Variants in SEMA5A observed in about 807,000 individuals in gnomAD.
SEMA5A encodes the protein semaphorin-5A.
In SEMA5A, 55 loss-of-function variants were observed where a neutral mutation model predicts 135.5. That is an observed-to-expected ratio of 0.41 (90% CI 0.33 to 0.51). The LOEUF (loss-of-function observed/expected upper bound fraction) is 0.51, where lower values mean the gene tolerates loss of function less well. SEMA5A is among the 20% of genes least tolerant of loss of function. The pLI is 0.37. For missense variants in SEMA5A, 1,290 were observed against 1,419.9 expected, an observed-to-expected ratio of 0.91 and a Z score of 1.47; for synonymous variants, 580 against 546.5, an observed-to-expected ratio of 1.06 and a Z score of -0.85.
At chr5:9,142,929 G>T (rs1423004574) in intron 12 of SEMA5A, among the ~76,000 whole-genome samples, 1 of 151,928 alleles carries the variant, frequency 6.6e-6, no homozygotes, top group Non-Finnish European at 1.5e-5. Flanking sequence ...TCCAGCCTGG[G>T]TGACAGAGTG....
At chr5:9,175,885 A>C (rs569999708) in intron 11 of SEMA5A, among the ~76,000 whole-genome samples, 1 of 152,190 alleles carries the variant, frequency 6.6e-6, no homozygotes, top group Non-Finnish European at 1.5e-5. Flanking sequence ...TGAGAATAAG[A>C]GGTGTCATCT....
chr5:9,289,169 C>G lies in SEMA5A; in HGVS notation c.270+29203G>C, dbSNP rs565408908. The stretch of plus-strand genomic sequence containing the variant: ...TTCATTTATATATTATAAACACATA[C>G]AGCTGTGCATGTATATAAGTATATT... On this transcript the variant is annotated intron_variant, in intron 5 of 22. Transcript: ENST00000382496. 8.5e-5 allele frequency among the ~76,000 whole-genome samples: 13 copies of G among 152,248 alleles called. No homozygotes were observed. The East Asian group carries it at 2.5e-3, about 29-fold the overall frequency.
rs78970711 is a variant in SEMA5A, at chr5:9,265,524, C to G, written c.271-27634G>C. 1,952 of 456,380 alleles carry G rather than the reference C, an allele frequency of 4.3e-3. 34 individuals are homozygous for G. Among genetic ancestry groups the G allele is most frequent in the African/African-American group, 0.036 (1,816 of 50,180 alleles). 28.3% of individuals were successfully genotyped at this position (456,380 alleles called of 1,614,324 possible). On this transcript the variant is annotated intron_variant, in intron 5 of 22. Coordinates refer to ENST00000382496, the MANE Select transcript of SEMA5A (RefSeq NM_003966.3). ...CCCATGTGGCTTTGTGTGGTGTGTG[C>G]GGTCCTCCTGCTCCAGGCTGTGAGT... is the stretch of plus-strand genomic sequence containing the variant.
chr5:9,358,608 G>T (rs761647389), intron 3 of SEMA5A, among the ~76,000 whole-genome samples: 1 of 152,232 alleles, frequency 6.6e-6, no homozygotes, highest in African/African-American at 2.4e-5. Flanking sequence ...TAATGCAAAG[G>T]CTGCCCTGAT....
At chr5:9,243,176 C>T (rs949963336) in intron 5 of SEMA5A, among the ~76,000 whole-genome samples, 2 of 152,138 alleles carry the variant, frequency 1.3e-5, no homozygotes, top group Non-Finnish European at 2.9e-5. Flanking sequence ...TCTGGAGGCT[C>T]GTTGGCAGGG....
intron 6 of SEMA5A, among the ~76,000 whole-genome samples, chr5:9,231,736 C>T (rs1334014686): frequency 6.6e-6 from 1 of 152,148 alleles, no homozygotes; most frequent in Non-Finnish European, 1.5e-5. Context: ...TATAAATCAG[C>T]ATACTTAAAT....
chr5:9,394,820 G>C (rs1051167765), intron 2 of SEMA5A, among the ~76,000 whole-genome samples: 4 of 152,018 alleles, frequency 2.6e-5, no homozygotes, highest in Non-Finnish European at 4.4e-5. Context: ...ATATTATACA[G>C]CTTATTAAGC....
At chr5:9,089,925 G>A (rs168817) in intron 16 of SEMA5A, among the ~76,000 whole-genome samples, 82,122 of 151,954 alleles carry the variant, frequency 0.54, 23,894 homozygotes, top group African/African-American at 0.78. Flanking sequence ...TCTTAATCTT[G>A]TTAACATAAA....
intron 5 of SEMA5A, among the ~76,000 whole-genome samples, chr5:9,253,469 G>A (rs1384949446): frequency 6.6e-6 from 1 of 151,942 alleles, no homozygotes; most frequent in Non-Finnish European, 1.5e-5. Context: ...TTTTAATTTA[G>A]AAATTATTTC....
chr5:9,300,351 T>C (rs1443187926), intron 5 of SEMA5A, among the ~76,000 whole-genome samples: 9 of 152,266 alleles, frequency 5.9e-5, no homozygotes, highest in Non-Finnish European at 5.9e-5. Context: ...TCTAATGCCA[T>C]GTCCTGGGTG....
chr5:9,474,732 C>G (rs745863655), intron 1 of SEMA5A, among the ~76,000 whole-genome samples: 30 of 152,268 alleles, frequency 2.0e-4, no homozygotes, highest in Non-Finnish European at 3.7e-4. Context: ...TTACTGCCAC[C>G]TACATGGCCC....
chr5:9,357,753 G>C (rs1424539801), intron 3 of SEMA5A, among the ~76,000 whole-genome samples: 1 of 152,184 alleles, frequency 6.6e-6, no homozygotes, highest in Non-Finnish European at 1.5e-5. Context: ...TGGACAGAGA[G>C]GAGTGAGCAC....
intron 1 of SEMA5A, among the ~76,000 whole-genome samples, chr5:9,483,512 T>C (rs143783996): frequency 1.1e-3 from 173 of 152,350 alleles, no homozygotes; most frequent in African/African-American, 3.9e-3. Context: ...AAAGAGGTAC[T>C]ATGCATTAGG....
intron 5 of SEMA5A, among the ~76,000 whole-genome samples, chr5:9,284,201 T>C (rs752955954): frequency 2.0e-5 from 3 of 152,102 alleles, no homozygotes; most frequent in African/African-American, 4.8e-5. Context: ...AATTAGGAGA[T>C]TGCTTGATCA....
chr5:9,105,758 C>T (rs1307046113), intron 16 of SEMA5A, among the ~76,000 whole-genome samples: 1 of 152,134 alleles, frequency 6.6e-6, no homozygotes, highest in South Asian at 2.1e-4. Context: ...CTTCATGTCT[C>T]AAAAATCAAT....
chr5:9,250,519 T>G (rs1389687819), intron 5 of SEMA5A, among the ~76,000 whole-genome samples: 2 of 152,172 alleles, frequency 1.3e-5, no homozygotes, highest in East Asian at 1.9e-4. Flanking sequence ...AAGACCGAAT[T>G]CATACAATGT....
intron 5 of SEMA5A, among the ~76,000 whole-genome samples, chr5:9,245,025 T>A (rs897107591): frequency 6.6e-6 from 1 of 152,178 alleles, no homozygotes; most frequent in African/African-American, 2.4e-5. Flanking sequence ...CAAAAGGAGA[T>A]AAAAGTGGTA....
chr5:9,220,277 C>A (rs886235722), intron 8 of SEMA5A, among the ~76,000 whole-genome samples: 4 of 152,064 alleles, frequency 2.6e-5, no homozygotes, highest in African/African-American at 4.8e-5. Context: ...GTGAAGGGTG[C>A]ACTACAATCT....
At chr5:9,397,741 G>A (rs1402594506) in intron 2 of SEMA5A, among the ~76,000 whole-genome samples, 2 of 152,220 alleles carry the variant, frequency 1.3e-5, no homozygotes, top group East Asian at 3.8e-4. Flanking sequence ...CTTAAGCGCT[G>A]TCTCTAATTC....
Sources: allele counts gnomAD v4.1 joint callset (sites outside exome capture counted in the v4.1 genomes callset), GRCh38; gene constraint gnomAD v4.1.1; transcripts MANE v1.5; gene names NCBI Gene and HGNC (gene_info 2026-07-23, HGNC 2026-07-21).